ACVR1: variants seen among roughly 807,000 people sequenced by gnomAD.
ACVR1 encodes the protein activin A receptor type 1, also known as activin receptor type-1.
In ACVR1, 38 loss-of-function variants were observed where a neutral mutation model predicts 57.1. The ratio of observed to expected loss-of-function variants is 0.67; its 90% CI spans 0.51 to 0.87. ACVR1 has a LOEUF of 0.87. ACVR1 is among the 40% of genes least tolerant of loss of function. ACVR1 has a pLI of 0.00. For missense variants in ACVR1, 463 were observed against 638.2 expected (o/e 0.73, Z 2.96); for synonymous variants, 212 against 228.1 (o/e 0.93, Z 0.63).
chr2:157,781,080 T>C (rs1350655350), intron 3 of ACVR1, among the ~76,000 whole-genome samples: 3 of 152,128 alleles, frequency 2.0e-5, no homozygotes, highest in Non-Finnish European at 4.4e-5. Context: ...CATCAACTCG[T>C]AAAACAAGGA....
intron 5 of ACVR1, among the ~76,000 whole-genome samples, chr2:157,777,183 G>A (rs560976154): frequency 3.3e-5 from 5 of 152,116 alleles, no homozygotes; most frequent in Non-Finnish European, 7.4e-5. Flanking sequence ...ATTTTAAAAG[G>A]TAAATAGAAG....
intron 1 of ACVR1, among the ~76,000 whole-genome samples, chr2:157,863,139 A>G (rs1246062445): frequency 1.4e-5 from 2 of 144,672 alleles, no homozygotes; most frequent in South Asian, 2.2e-4. Context: ...CAGCCTCCCA[A>G]GTAGCTGGGA....
intron 2 of ACVR1, among the ~76,000 whole-genome samples, chr2:157,810,514 A>T (rs1425781814): frequency 6.6e-6 from 1 of 152,206 alleles, no homozygotes; most frequent in Non-Finnish European, 1.5e-5. Context: ...TGTAATTCAA[A>T]ATGCTAACAA....
chr2:157,864,991 T>G (rs1689861985), intron 1 of ACVR1, among the ~76,000 whole-genome samples: 3 of 151,844 alleles, frequency 2.0e-5, no homozygotes. Context: ...AGCTCTGCTT[T>G]TAATGTAAAG....
intron 8 of ACVR1, among the ~76,000 whole-genome samples, chr2:157,763,968 C>T (rs1685759798): frequency 1.3e-5 from 2 of 152,144 alleles, no homozygotes. Context: ...GCTGGACTTA[C>T]TGCAAAGTTC....
chr2:157,778,118 G>T lies in ACVR1; in HGVS notation c.543+13C>A. On this transcript the variant is annotated intron_variant, in intron 5 of 10. Coordinates refer to ENST00000434821, the MANE Select transcript of ACVR1 (RefSeq NM_001111067.4). Reference sequence around the variant, plus strand: ...TCCTTATGCTTGGGATTTCCTGTGGGGTCATGACTTACTGCTAAAGTGCTG... The same window carrying T: ...TCCTTATGCTTGGGATTTCCTGTGGTGTCATGACTTACTGCTAAAGTGCTG... The T allele has an allele frequency of 6.2e-7, 1 of 1,612,690 alleles. No individual in the cohort carries two copies. Among genetic ancestry groups the T allele is most frequent in the Non-Finnish European group, 8.5e-7 (1 of 1,179,336 alleles).
intron 1 of ACVR1, among the ~76,000 whole-genome samples, chr2:157,850,635 AATAAAAAGTCAAAAG>A (rs1442198067): frequency 6.6e-6 from 1 of 152,200 alleles, no homozygotes; most frequent in Non-Finnish European, 1.5e-5. Flanking sequence ...GATCAAGATA[AATAAAAAGTCAAAAG>A]ATAAAAAGAA....
rs5835680 is a variant in ACVR1 at position 157,816,437 on chromosome 2, C to CA, written c.-8+1947dup. On this transcript the variant is annotated intron_variant, in intron 2 of 10. Coordinates refer to ENST00000434821, the MANE Select transcript of ACVR1 (RefSeq NM_001111067.4). ...TGTCTCCAAAAAAAAAAACAAACGA[C>CA]AAAAAAAAAAATAGCCAGGCGTGGT... Among the ~76,000 whole-genome samples, 1,329 of 142,936 alleles carry CA rather than the reference C, an allele frequency of 9.3e-3. 14 individuals are homozygous for CA. Among genetic ancestry groups the CA allele is most frequent in the African/African-American group, 0.031 (1,223 of 39,714 alleles). The allele number at this position is 142,936 out of a possible 152,430, so 93.8% of individuals were successfully genotyped here. A position where few individuals can be genotyped will look rare whatever the true frequency, so the allele number is the denominator to read the frequency against.
At chr2:157,798,858 T>C (rs1312508264) in intron 3 of ACVR1, among the ~76,000 whole-genome samples, 1 of 151,832 alleles carries the variant, frequency 6.6e-6, no homozygotes, top group African/African-American at 2.4e-5. Context: ...GTTTTATTGT[T>C]AATTACAGAA....
chr2:157,811,459 C>T (rs1372861943), intron 2 of ACVR1, among the ~76,000 whole-genome samples: 2 of 152,132 alleles, frequency 1.3e-5, no homozygotes, highest in Admixed American at 6.5e-5. Flanking sequence ...TTTTTTATTA[C>T]AGATAGTTCA....
chr2:157,846,248 A>C (rs1689123971), intron 1 of ACVR1, among the ~76,000 whole-genome samples: 2 of 152,238 alleles, frequency 1.3e-5, no homozygotes, highest in Non-Finnish European at 2.9e-5. Flanking sequence ...AAGAGCCACA[A>C]GCCAAAGGAA....
chr2:157,747,954 A>G (rs1332661564), intron 9 of ACVR1, among the ~76,000 whole-genome samples: 2 of 152,242 alleles, frequency 1.3e-5, no homozygotes, highest in East Asian at 3.8e-4. Flanking sequence ...TCTGGGAACC[A>G]GTTAACAGTC....
rs141975636 is a variant in ACVR1 at position 157,779,930 on chromosome 2, C to T, written c.331+407G>A. Among the ~76,000 whole-genome samples, 8 of 152,264 alleles carry T rather than the reference C, an allele frequency of 5.3e-5. No homozygotes were observed. The East Asian group carries it at 1.5e-3, about 29-fold the overall frequency. On this transcript the variant is annotated intron_variant, in intron 4 of 10. Transcript: ENST00000434821. ...AAACAGGAAAGGCATTCCACTCAGTCACCAGTCCGTTCTGTTTTCCTCCCT... is the reference window on the plus strand; with the variant it reads ...AAACAGGAAAGGCATTCCACTCAGTTACCAGTCCGTTCTGTTTTCCTCCCT...
chr2:157,848,401 G>A (rs2105362297), intron 1 of ACVR1, among the ~76,000 whole-genome samples: 1 of 152,292 alleles, frequency 6.6e-6, no homozygotes, highest in East Asian at 1.9e-4. Flanking sequence ...TGTTTCAGCT[G>A]ACAGCCCCAG....
rs116206958 is a variant in ACVR1 at position 157,829,711 on chromosome 2, C to T, written c.-182-11152G>A. Reference sequence around the variant, plus strand: ...CTGGCAAACTCCTATGCTTCAGGATCAGCCCCAGCATCACCTCCCAAAGCC... The same window carrying T: ...CTGGCAAACTCCTATGCTTCAGGATTAGCCCCAGCATCACCTCCCAAAGCC... On this transcript the variant is annotated intron_variant, in intron 1 of 10. Transcript: ENST00000434821. Among the ~76,000 whole-genome samples, 610 of 152,328 alleles carry T rather than the reference C, an allele frequency of 4.0e-3. 8 individuals carry two copies. Among genetic ancestry groups the T allele is most frequent in the African/African-American group, 0.014 (588 of 41,572 alleles).
chr2:157,857,792 T>C (rs1419921083), intron 1 of ACVR1, among the ~76,000 whole-genome samples: 1 of 152,144 alleles, frequency 6.6e-6, no homozygotes, highest in Non-Finnish European at 1.5e-5. Flanking sequence ...GTCTAGAGAA[T>C]AACAGAGCAA....
intron 1 of ACVR1, among the ~76,000 whole-genome samples, chr2:157,836,537 G>A (rs922124976): frequency 6.6e-6 from 1 of 152,190 alleles, no homozygotes; most frequent in African/African-American, 2.4e-5. Flanking sequence ...CAGGACAAGC[G>A]TCACTCCCAG....
intron 9 of ACVR1, among the ~76,000 whole-genome samples, chr2:157,755,370 T>G (rs1228512421): frequency 6.6e-6 from 1 of 152,010 alleles, no homozygotes; most frequent in Non-Finnish European, 1.5e-5. Context: ...CCCTAAAGAC[T>G]CCTCCAAAAA....
chr2:157,855,274 GTGTGTGTGT>G, intron 1 of ACVR1, among the ~76,000 whole-genome samples: 2 of 34,888 alleles, frequency 5.7e-5, no homozygotes, highest in Non-Finnish European at 9.6e-5. Flanking sequence ...AAAAAAGTGT[GTGTGTGTGT>G]GTGTGTGTGT....
Sources: gnomAD v4.1 joint callset for allele counts (sites outside exome capture counted in the v4.1 genomes callset) on GRCh38, gnomAD v4.1.1 for gene constraint, MANE v1.5 for transcripts, NCBI Gene and HGNC (gene_info 2026-07-23, HGNC 2026-07-21) for gene names.